The following CADPS variants were observed in gnomAD, a reference collection of about 807,000 sequenced individuals.
CADPS encodes the protein calcium dependent secretion activator.
In CADPS, 57 loss-of-function variants were observed where a neutral mutation model predicts 167.3. The observed-to-expected ratio is 0.34, with a 90% CI of 0.28 to 0.42. The LOEUF is 0.42. Ranked by LOEUF, CADPS falls within the 20% of genes least tolerant of loss-of-function variation. CADPS has a pLI of 1.00. For missense variants in CADPS, 1,414 were observed against 1,738.1 expected (o/e 0.81, Z 3.32); for synonymous variants, 676 against 635.3 (o/e 1.06, Z -0.96).
At chr3:62,834,008 A>G (rs2075531614) in intron 1 of CADPS, among the ~76,000 whole-genome samples, 1 of 152,220 alleles carries the variant, frequency 6.6e-6, no homozygotes, top group South Asian at 2.1e-4. Context: ...TGATGTGATT[A>G]TAATGATTCA....
At chr3:62,755,362 T>A (rs1226245841) in intron 2 of CADPS, among the ~76,000 whole-genome samples, 4 of 152,196 alleles carry the variant, frequency 2.6e-5, no homozygotes, top group Non-Finnish European at 5.9e-5. Context: ...GCTACATGGT[T>A]CTGGGGTGTA....
intron 3 of CADPS, among the ~76,000 whole-genome samples, chr3:62,681,207 C>T (rs962039553): frequency 6.6e-6 from 1 of 152,074 alleles, no homozygotes; most frequent in Non-Finnish European, 1.5e-5. Flanking sequence ...TTAGCACCTG[C>T]CATCCTTCTG....
chr3:62,613,790 A>T (rs1342557126), intron 6 of CADPS, among the ~76,000 whole-genome samples: 2 of 152,200 alleles, frequency 1.3e-5, no homozygotes, highest in Non-Finnish European at 2.9e-5. Context: ...AGCTGAAATG[A>T]AGGAGACAAT....
chr3:62,513,014 G>C (rs907130381), intron 16 of CADPS, among the ~76,000 whole-genome samples: 1 of 152,070 alleles, frequency 6.6e-6, no homozygotes, highest in African/African-American at 2.4e-5. Context: ...GTGAAATCAA[G>C]CTATGAAACA....
At chr3:62,494,992 A>T (rs747098396) in intron 18 of CADPS, among the ~76,000 whole-genome samples, 25 of 152,150 alleles carry the variant, frequency 1.6e-4, no homozygotes, top group Non-Finnish European at 2.6e-4. Flanking sequence ...TAAAAGTTGC[A>T]AACCAGAGGT....
rs1290957583 is a variant in CADPS at position 62,865,295 on chromosome 3, A to G, written c.441+9294T>C. 2.6e-5 allele frequency among the ~76,000 whole-genome samples: 4 copies of G among 151,408 alleles called. No homozygotes were observed. In the Admixed American group the frequency reaches 2.6e-4, roughly 10 times the overall value. ...TAGTAGATTCTCTGGACCACTTGGC[A>G]TGTTTGCCAAAATCCCATTGTCTTT... On this transcript the variant is annotated intron_variant, in intron 1 of 29. Coordinates refer to ENST00000383710, the MANE Select transcript of CADPS (RefSeq NM_003716.4).
chr3:62,405,448 G>GAAAAAAA (rs35356402), intron 28 of CADPS, among the ~76,000 whole-genome samples: 2 of 128,054 alleles, frequency 1.6e-5, no homozygotes, highest in Non-Finnish European at 1.7e-5. Flanking sequence ...CACCTTTCAG[G>GAAAAAAA]AAAAAAAAAA....
At chr3:62,869,755 C>T (rs1462538839) in intron 1 of CADPS, among the ~76,000 whole-genome samples, 1 of 152,130 alleles carries the variant, frequency 6.6e-6, no homozygotes, top group Non-Finnish European at 1.5e-5. Flanking sequence ...CCTGGGTGAG[C>T]GCTTGGTGCA....
At chr3:62,639,315 A>G (rs1187847498) in intron 6 of CADPS, among the ~76,000 whole-genome samples, 1 of 152,162 alleles carries the variant, frequency 6.6e-6, no homozygotes, top group East Asian at 1.9e-4. Context: ...TCCAAGCTCC[A>G]CGTTCTCGCT....
chr3:62,705,710 A>G (rs2082193496), intron 3 of CADPS, among the ~76,000 whole-genome samples: 1 of 152,112 alleles, frequency 6.6e-6, no homozygotes. Context: ...TGGGACTCAG[A>G]CTGGCTTCCT....
chr3:62,448,581 CAT>C (rs1560513943), intron 26 of CADPS, among the ~76,000 whole-genome samples: 2 of 151,536 alleles, frequency 1.3e-5, no homozygotes, highest in African/African-American at 4.9e-5. Flanking sequence ...TATTTAGAGA[CAT>C]GTGTGTATCA....
intron 9 of CADPS, among the ~76,000 whole-genome samples, chr3:62,565,026 C>T (rs2079884566): frequency 6.6e-6 from 1 of 152,228 alleles, no homozygotes; most frequent in Non-Finnish European, 1.5e-5. Context: ...CTTACACACA[C>T]ACACGGGGTG....
chr3:62,498,188 A>T (rs1328743831), intron 18 of CADPS: 1 of 456,496 alleles, frequency 2.2e-6, no homozygotes, highest in East Asian at 6.9e-5. Flanking sequence ...ATAAAATAGT[A>T]GAAAAACAGG....
chr3:62,684,368 T>C (rs1248939394), intron 3 of CADPS, among the ~76,000 whole-genome samples: 2 of 152,056 alleles, frequency 1.3e-5, no homozygotes, highest in African/African-American at 4.8e-5. Flanking sequence ...TTTTCAACTT[T>C]TTGGCTCTAA....
chr3:62,603,378 A>G (rs2149128006), intron 6 of CADPS, among the ~76,000 whole-genome samples: 1 of 152,384 alleles, frequency 6.6e-6, no homozygotes, highest in South Asian at 2.1e-4. Flanking sequence ...ATAAGGACAG[A>G]GACCAAGTCC....
At chr3:62,453,549 C>T (rs1209307352) in intron 26 of CADPS, among the ~76,000 whole-genome samples, 1 of 152,130 alleles carries the variant, frequency 6.6e-6, no homozygotes, top group Non-Finnish European at 1.5e-5. Flanking sequence ...CTAAGTGCAT[C>T]TTGGGAAGAT....
At chr3:62,483,308 GGGGGAGTA>G (rs1320169825) in intron 21 of CADPS, among the ~76,000 whole-genome samples, 10 of 144,648 alleles carry the variant, frequency 6.9e-5, no homozygotes, top group Non-Finnish European at 1.2e-4. Flanking sequence ...GTGGGGAAGT[GGGGGAGTA>G]GGGGAGTAGG....
intron 28 of CADPS, among the ~76,000 whole-genome samples, chr3:62,426,323 G>C (rs1288725769): frequency 6.6e-6 from 1 of 152,014 alleles, no homozygotes; most frequent in Non-Finnish European, 1.5e-5. Context: ...GCTAATTTTT[G>C]TATTTTTAGT....
intron 3 of CADPS, among the ~76,000 whole-genome samples, chr3:62,714,418 A>G (rs1368832483): frequency 6.6e-6 from 1 of 152,134 alleles, no homozygotes; most frequent in Non-Finnish European, 1.5e-5. Flanking sequence ...ACTGTTTTGG[A>G]ACTGCTGTTT....
Sources: gnomAD v4.1 joint callset for allele counts (sites outside exome capture counted in the v4.1 genomes callset) on GRCh38, gnomAD v4.1.1 for gene constraint, MANE v1.5 for transcripts, NCBI Gene and HGNC (gene_info 2026-07-23, HGNC 2026-07-21) for gene names.